MTHFS: variants seen among roughly 807,000 people sequenced by gnomAD.
MTHFS encodes 5-formyltetrahydrofolate cyclo-ligase.
Under a neutral mutation model 12.7 loss-of-function variants are expected in MTHFS, and 7 were observed. The observed-to-expected ratio is 0.55, with a 90% confidence interval of 0.31 to 1.03. The LOEUF (loss-of-function observed/expected upper bound fraction) is 1.03. Among genes scored for constraint, MTHFS ranks in the 50% least tolerant of loss-of-function variants. The probability of loss-of-function intolerance (pLI) is 0.05; values close to 1 mark genes in which losing one functional copy is unlikely to be tolerated. For missense variants in MTHFS, 252 were observed against 258.1 expected (o/e 0.98, Z 0.16); for synonymous variants, 100 against 97.1 (o/e 1.03, Z -0.18).
Position 79,860,088 on chromosome 15 carries a change from T to C in MTHFS, c.380-14646A>G, listed in dbSNP as rs563883121. On this transcript the variant is annotated intron_variant, in intron 2 of 2. Transcript: ENST00000258874. Reference sequence around the variant, plus strand: ...AAAATACAAAAAGTTAAGAAAAAGGTTTAAAAATGAATACAAATTGGCCAG... The same window carrying C: ...AAAATACAAAAAGTTAAGAAAAAGGCTTAAAAATGAATACAAATTGGCCAG... Among the ~76,000 whole-genome samples the C allele has an allele frequency of 2.3e-3, 357 of 151,926 alleles. 2 individuals carry two copies. The highest frequency in any genetic ancestry group is 8.3e-3 in the African/African-American group (345 of 41,410).
chr15:79,887,065 T>A (rs1486895026), intron 2 of MTHFS, among the ~76,000 whole-genome samples: 1 of 152,090 alleles, frequency 6.6e-6, no homozygotes, highest in Non-Finnish European at 1.5e-5. Flanking sequence ...TGAAACCCCA[T>A]CTCTATTAAA....
At position 79,866,796 on chromosome 15, in the gene MTHFS, C is replaced by CA. The variant is rs566076143; in HGVS notation, c.380-21355dup. Among the ~76,000 whole-genome samples, 872 of 152,164 alleles carry CA rather than the reference C, an allele frequency of 5.7e-3. 14 individuals are homozygous for CA. The highest frequency in any genetic ancestry group is 0.02 in the African/African-American group (828 of 41,514). ...AGAAACCCCACCTCTACCAAAAACA[C>CA]AAAAAAGTTAGCTGGGCATGGTGGT... On this transcript the variant is annotated intron_variant, in intron 2 of 2. Transcript: ENST00000258874.
chr15:79,869,439 G>C (rs745933172), intron 2 of MTHFS, among the ~76,000 whole-genome samples: 55 of 152,098 alleles, frequency 3.6e-4, no homozygotes, highest in Non-Finnish European at 4.4e-4. Flanking sequence ...CAATTGCTTA[G>C]AGGTTTTTGT....
In MTHFS at chr15:79,845,287, T is replaced by C. The variant is rs751818536; in HGVS notation, c.535A>G (p.Ile179Val). ...YTLALAFKEQ[I>V]CLQVPVNEND... ...TCATTCACTGGGACCTGGAGGCAAA[T>C]CTGTTCTTTGAAAGCCAACGCCAGG... The change falls in exon 3 of 3, where the codon ATT becomes GTT. Residue 179 changes from isoleucine to valine, a missense_variant. Coordinates refer to ENST00000258874, the MANE Select transcript of MTHFS (RefSeq NM_006441.4). 9 of 1,614,066 alleles carry C rather than the reference T, an allele frequency of 5.6e-6. No homozygotes were observed. The East Asian group carries it at 1.6e-4, about 28-fold the overall frequency.
chr15:79,847,573 A>G (rs2033640182), intron 2 of MTHFS, among the ~76,000 whole-genome samples: 1 of 149,308 alleles, frequency 6.7e-6, no homozygotes. Flanking sequence ...AGTCCCAGCT[A>G]CTCGGGAGGC....
intron 2 of MTHFS, among the ~76,000 whole-genome samples, chr15:79,846,797 G>C (rs1445430643): frequency 6.6e-6 from 1 of 152,080 alleles, no homozygotes; most frequent in Non-Finnish European, 1.5e-5. Context: ...TTACTCCCTC[G>C]TGTCCTCTTT....
chr15:79,893,079 G>C (rs2034502074), intron 1 of MTHFS, among the ~76,000 whole-genome samples: 1 of 152,194 alleles, frequency 6.6e-6, no homozygotes, highest in South Asian at 2.1e-4. Flanking sequence ...CTGCTCAGTA[G>C]ACTCATTATA....
intron 2 of MTHFS, among the ~76,000 whole-genome samples, chr15:79,886,815 T>A (rs891507846): frequency 6.6e-6 from 1 of 152,228 alleles, no homozygotes; most frequent in Non-Finnish European, 1.5e-5. Context: ...AAATATCTGC[T>A]GAAAATTACC....
At chr15:79,875,431 T>C (rs2034177064) in intron 2 of MTHFS, among the ~76,000 whole-genome samples, 1 of 152,150 alleles carries the variant, frequency 6.6e-6, no homozygotes, top group African/African-American at 2.4e-5. Flanking sequence ...CCAGCAAAGC[T>C]GTCCTTCAAA....
chr15:79,864,544 C>CAAAAAAAAAAAAAAAAAAAAA (rs1566990932), intron 2 of MTHFS, among the ~76,000 whole-genome samples: 1 of 23,694 alleles, frequency 4.2e-5, no homozygotes, highest in African/African-American at 2.0e-4. Context: ...GACTCCATCT[C>CAAAAAAAAAAAAAAAAAAAAA]AACAAAAAAA....
chr15:79,874,284 C>A (rs1314606890), intron 2 of MTHFS, among the ~76,000 whole-genome samples: 1 of 152,150 alleles, frequency 6.6e-6, no homozygotes, highest in Non-Finnish European at 1.5e-5. Flanking sequence ...TCTGTAAGAA[C>A]AGTGAGCTTT....
chr15:79,888,017 A>G (rs2034409888), intron 2 of MTHFS, among the ~76,000 whole-genome samples: 1 of 152,190 alleles, frequency 6.6e-6, no homozygotes. Flanking sequence ...AAGACTGCAT[A>G]AAGTTGTGCT....
intron 1 of MTHFS, among the ~76,000 whole-genome samples, chr15:79,889,652 C>A (rs1268999656): frequency 6.6e-6 from 1 of 152,094 alleles, no homozygotes; most frequent in Non-Finnish European, 1.5e-5. Context: ...CCAGAGAATT[C>A]CAGGCTTGAT....
At chr15:79,896,698 C>T in intron 1 of MTHFS, 174 bp downstream of exon 1, 1 of 1,209,472 alleles carries the variant, frequency 8.3e-7, no homozygotes, top group Non-Finnish European at 1.1e-6. Context: ...CCAAGAGCGT[C>T]CAGACCACGA....
At chr15:79,895,147 G>A (rs2034546263) in intron 1 of MTHFS, among the ~76,000 whole-genome samples, 1 of 152,122 alleles carries the variant, frequency 6.6e-6, no homozygotes, top group South Asian at 2.1e-4. Context: ...ACCTGTCCAA[G>A]GATATACAGT....
At chr15:79,874,538 T>G (rs144169859) in intron 2 of MTHFS, among the ~76,000 whole-genome samples, 33 of 152,298 alleles carry the variant, frequency 2.2e-4, no homozygotes, top group Middle Eastern at 3.4e-3. Context: ...ATCTGACTCA[T>G]AGCTCTCTCC....
intron 2 of MTHFS, among the ~76,000 whole-genome samples, chr15:79,885,253 T>C (rs1252945560): frequency 1.3e-5 from 2 of 152,212 alleles, no homozygotes; most frequent in Admixed American, 1.3e-4. Flanking sequence ...AATGTTTTAT[T>C]TGAGGACTAG....
intron 2 of MTHFS, among the ~76,000 whole-genome samples, chr15:79,860,372 G>C (rs148588387): frequency 6.6e-6 from 1 of 150,984 alleles, no homozygotes; most frequent in African/African-American, 2.4e-5. Context: ...CTGGGCAACA[G>C]AGCGAGACTC....
chr15:79,865,221 T>C (rs775344225), intron 2 of MTHFS, among the ~76,000 whole-genome samples: 2 of 152,234 alleles, frequency 1.3e-5, no homozygotes, highest in African/African-American at 4.8e-5. Flanking sequence ...CTTGTAAAAC[T>C]GTCATTATTT....
Sources: allele counts gnomAD v4.1 joint callset (sites outside exome capture counted in the v4.1 genomes callset), GRCh38; gene constraint gnomAD v4.1.1; transcripts MANE v1.5; gene names NCBI Gene and HGNC (gene_info 2026-07-23, HGNC 2026-07-21).